Variants in DDR2 observed in about 807,000 individuals in gnomAD.
DDR2 encodes discoidin domain-containing receptor 2.
A neutral mutation model predicts 94.9 loss-of-function variants in DDR2; 27 were observed. The ratio of observed to expected loss-of-function variants is 0.28; its 90% CI spans 0.21 to 0.39. The LOEUF (loss-of-function observed/expected upper bound fraction) is 0.39, where lower values mean the gene tolerates loss of function less well. DDR2 is among the 10% of genes least tolerant of loss of function. The probability of loss-of-function intolerance (pLI) is 1.00; values close to 1 mark genes in which losing one functional copy is unlikely to be tolerated. For missense variants in DDR2, 783 were observed against 1,076.0 expected, an observed-to-expected ratio of 0.73 and a Z score of 3.81; for synonymous variants, 382 against 377.2, an observed-to-expected ratio of 1.01 and a Z score of -0.15.
chr1:162,725,221 G>A (rs1405063186), intron 3 of DDR2, among the ~76,000 whole-genome samples: 1 of 152,148 alleles, frequency 6.6e-6, no homozygotes, highest in Non-Finnish European at 1.5e-5. Context: ...GTGAGGCCAA[G>A]AAACATTAGG....
At chr1:162,696,912 G>A (rs746464413) in intron 2 of DDR2, among the ~76,000 whole-genome samples, 2 of 152,170 alleles carry the variant, frequency 1.3e-5, no homozygotes, top group African/African-American at 4.8e-5. Context: ...TGTTGGGCCT[G>A]GGTTCCTGTA....
chr1:162,731,146 A>G (rs1382149948), intron 3 of DDR2, among the ~76,000 whole-genome samples: 1 of 152,182 alleles, frequency 6.6e-6, no homozygotes, highest in Admixed American at 6.5e-5. Flanking sequence ...TAATTACTGC[A>G]CACTACTCCA....
At chr1:162,640,868 C>T (rs532662755) in intron 1 of DDR2, among the ~76,000 whole-genome samples, 4 of 150,700 alleles carry the variant, frequency 2.7e-5, no homozygotes, top group African/African-American at 9.7e-5. Flanking sequence ...TGTGATCCTT[C>T]CACCTCAGCC....
chr1:162,635,697 T>C (rs1656784306), intron 1 of DDR2, among the ~76,000 whole-genome samples: 1 of 152,046 alleles, frequency 6.6e-6, no homozygotes, highest in Admixed American at 6.6e-5. Flanking sequence ...GCAGCAACCA[T>C]CCATAATGAG....
chr1:162,715,037 T>A (rs1467926014), intron 2 of DDR2, among the ~76,000 whole-genome samples: 1 of 152,210 alleles, frequency 6.6e-6, no homozygotes, highest in Non-Finnish European at 1.5e-5. Context: ...GTTTAAATAT[T>A]GAACCCTTGG....
At chr1:162,733,988 T>C (rs1662178529) in intron 3 of DDR2, among the ~76,000 whole-genome samples, 1 of 152,228 alleles carries the variant, frequency 6.6e-6, no homozygotes, top group South Asian at 2.1e-4. Flanking sequence ...TGTGCCTATT[T>C]GATTATGAAA....
intron 3 of DDR2, among the ~76,000 whole-genome samples, chr1:162,731,871 A>C (rs1169572681): frequency 5.9e-5 from 9 of 152,212 alleles, no homozygotes; most frequent in Non-Finnish European, 1.3e-4. Flanking sequence ...CCAAGTCTTA[A>C]TATAAACTTT....
At position 162,741,248 on chromosome 1, in the gene DDR2, A is replaced by ATAATGTAATG. The variant is rs371729446; in HGVS notation, c.83-11837_83-11828dup. Among the ~76,000 whole-genome samples, 993 of 120,744 alleles carry ATAATGTAATG rather than the reference A, an allele frequency of 8.2e-3. 24 individuals are homozygous for ATAATGTAATG. The highest frequency in any genetic ancestry group is 0.014 in the South Asian group (49 of 3,512). 79.2% of individuals were successfully genotyped at this position (120,744 alleles called of 152,430 possible). ...ATAATATAATATAATATAATATAGT[A>ATAATGTAATG]TAATGTAATGTAATGTAATATAATA... On this transcript the variant is annotated intron_variant, in intron 3 of 17. Coordinates refer to ENST00000367921, the MANE Select transcript of DDR2 (RefSeq NM_006182.4).
chr1:162,746,511 C>A (rs1662875402), intron 3 of DDR2, among the ~76,000 whole-genome samples: 1 of 152,234 alleles, frequency 6.6e-6, no homozygotes, highest in African/African-American at 2.4e-5. Flanking sequence ...TCAACCAGGC[C>A]TGCCTGCCTC....
intron 1 of DDR2, among the ~76,000 whole-genome samples, chr1:162,653,192 G>A (rs1010183384): frequency 1.3e-5 from 2 of 152,152 alleles, no homozygotes; most frequent in Non-Finnish European, 2.9e-5. Context: ...TTTGTGAGGT[G>A]GGGTTTCCTT....
chr1:162,644,522 ATGACACT>A (rs1400228712), intron 1 of DDR2, among the ~76,000 whole-genome samples: 8 of 152,198 alleles, frequency 5.3e-5, no homozygotes, highest in African/African-American at 1.9e-4. Context: ...ATCATGGTGT[ATGACACT>A]TTCTTCTGAA....
At chr1:162,750,944 C>G (rs575694712) in intron 3 of DDR2, among the ~76,000 whole-genome samples, 3 of 152,124 alleles carry the variant, frequency 2.0e-5, no homozygotes, top group South Asian at 4.2e-4. Flanking sequence ...GCTAGCCATA[C>G]GTAGAAAGCT....
At chr1:162,650,291 A>T (rs980689842) in intron 1 of DDR2, among the ~76,000 whole-genome samples, 4 of 4,854 alleles carry the variant, frequency 8.2e-4, no homozygotes, top group Admixed American at 4.4e-3. Context: ...CTCCACGTTA[A>T]AAAAAAAATA....
intron 11 of DDR2, among the ~76,000 whole-genome samples, chr1:162,768,532 A>G (rs935025700): frequency 5.9e-5 from 9 of 152,160 alleles, no homozygotes; most frequent in African/African-American, 2.2e-4. Flanking sequence ...CCTCTATTCC[A>G]GAGGAGAGGA....
At chr1:162,650,132 T>C (rs1435701915) in intron 1 of DDR2, among the ~76,000 whole-genome samples, 1 of 152,204 alleles carries the variant, frequency 6.6e-6, no homozygotes, top group African/African-American at 2.4e-5. Flanking sequence ...ATTGCATTTA[T>C]GTAGTTGAAG....
rs1662644950 is a variant in DDR2, at chr1:162,742,220, A to G, written c.83-10875A>G. On this transcript the variant is annotated intron_variant, in intron 3 of 17. Transcript: ENST00000367921. ...ATTCATATGTTCATCTCTTGATTCA[A>G]AACTGACTTGGAAATCATAGTGGAT... Among the ~76,000 whole-genome samples, 3 of 152,234 alleles carry G rather than the reference A, an allele frequency of 2.0e-5. 1 individual carries two copies. The highest frequency in any genetic ancestry group is 2.0e-4 in the Admixed American group (3 of 15,290).
intron 3 of DDR2, among the ~76,000 whole-genome samples, chr1:162,720,150 AT>A (rs5778286): frequency 2.7e-5 from 4 of 150,228 alleles, no homozygotes; most frequent in African/African-American, 9.8e-5. Context: ...AATTGGAGTC[AT>A]TTTTTTTTTC....
At chr1:162,721,746 C>T (rs1661432435) in intron 3 of DDR2, among the ~76,000 whole-genome samples, 1 of 152,126 alleles carries the variant, frequency 6.6e-6, no homozygotes, top group Admixed American at 6.5e-5. Flanking sequence ...CACAGAATGG[C>T]CACATGATAT....
At chr1:162,667,553 A>C (rs1658644834) in intron 2 of DDR2, among the ~76,000 whole-genome samples, 1 of 152,204 alleles carries the variant, frequency 6.6e-6, no homozygotes. Context: ...AAACACACAC[A>C]CACAAACAAG....
Sources: allele counts gnomAD v4.1 joint callset (sites outside exome capture counted in the v4.1 genomes callset), GRCh38; gene constraint gnomAD v4.1.1; transcripts MANE v1.5; gene names NCBI Gene and HGNC (gene_info 2026-07-23, HGNC 2026-07-21).